OLFM3: variants seen among roughly 807,000 people sequenced by gnomAD.
OLFM3 encodes the protein noelin-3.
In OLFM3, 20 loss-of-function variants were observed where a neutral mutation model predicts 48.6. The observed-to-expected ratio is 0.41, with a 90% CI of 0.29 to 0.60. The LOEUF (loss-of-function observed/expected upper bound fraction) is 0.60. OLFM3 is among the 20% of genes least tolerant of loss of function. The probability of loss-of-function intolerance (pLI) is 0.28; values close to 1 mark genes in which losing one functional copy is unlikely to be tolerated. For missense variants in OLFM3, 437 were observed against 544.3 expected, an observed-to-expected ratio of 0.80 and a Z score of 1.96; for synonymous variants, 222 against 198.1, an observed-to-expected ratio of 1.12 and a Z score of -1.01.
intron 3 of OLFM3, among the ~76,000 whole-genome samples, chr1:101,827,744 A>G (rs1346808461): frequency 6.6e-6 from 1 of 152,140 alleles, no homozygotes; most frequent in Non-Finnish European, 1.5e-5. Flanking sequence ...AGAAGGTACA[A>G]GTTTGGAATT....
chr1:101,933,201 C>CAAAAAAAAAAAAA (rs761881274), intron 1 of OLFM3, among the ~76,000 whole-genome samples: 16 of 40,120 alleles, frequency 4.0e-4, no homozygotes, highest in African/African-American at 5.5e-4. Context: ...GACTCCATCT[C>CAAAAAAAAAAAAA]AAAAAAAAAA....
intron 1 of OLFM3, among the ~76,000 whole-genome samples, chr1:101,895,807 TG>T (rs148846828): frequency 0.039 from 5,916 of 152,174 alleles, 246 homozygotes; most frequent in East Asian, 0.22. Context: ...ACACTGCAAA[TG>T]AAAAACTTGC....
chr1:101,947,834 C>T (rs1197726057), intron 1 of OLFM3, among the ~76,000 whole-genome samples: 1 of 152,050 alleles, frequency 6.6e-6, no homozygotes, highest in Non-Finnish European at 1.5e-5. Flanking sequence ...ATAATAGCTG[C>T]TAACTTATAT....
At chr1:101,895,176 A>G (rs1341455749) in intron 1 of OLFM3, among the ~76,000 whole-genome samples, 1 of 151,988 alleles carries the variant, frequency 6.6e-6, no homozygotes, top group Non-Finnish European at 1.5e-5. Flanking sequence ...TCTAACCACA[A>G]TGGGACTTAT....
chr1:101,903,655 A>G (rs1331462983), intron 1 of OLFM3, among the ~76,000 whole-genome samples: 4 of 151,786 alleles, frequency 2.6e-5, no homozygotes, highest in Non-Finnish European at 5.9e-5. Context: ...GCTTGTTTAC[A>G]GATTCTGCTA....
chr1:101,806,293 A>G lies in OLFM3; in HGVS notation c.593-111T>C, dbSNP rs561392531. The G allele has an allele frequency of 2.7e-5, 20 of 743,998 alleles. No individual in the cohort carries two copies. In the African/African-American group the frequency reaches 3.5e-4, roughly 13 times the overall value. 46.1% of individuals were successfully genotyped at this position (743,998 alleles called of 1,614,324 possible). A position where few individuals can be genotyped will look rare whatever the true frequency, so the allele number is the denominator to read the frequency against. On this transcript the variant is annotated intron_variant, in intron 4 of 5. Transcript: ENST00000370103. ...TCATAAAACTAAGCCAATCCATGGA[A>G]TTAATATCACATTTCTGAATAAATG...
chr1:101,975,567 T>C (rs915008438), intron 1 of OLFM3, among the ~76,000 whole-genome samples: 4 of 152,084 alleles, frequency 2.6e-5, no homozygotes, highest in Non-Finnish European at 2.9e-5. Context: ...AAAATATCAA[T>C]GTTTTCTTGA....
In OLFM3 at chr1:101,970,873, GC is replaced by G. The variant is rs766132857; in HGVS notation, c.69+25874del. ...GGATATTCTCATCCTGAGGGATAGC[GC>G]GTACATAATAGATTGCGGCATGACA... On this transcript the variant is annotated intron_variant, in intron 1 of 5. Transcript: ENST00000370103. Among the ~76,000 whole-genome samples the G allele has an allele frequency of 3.3e-5, 5 of 152,266 alleles. No homozygotes were observed. In the South Asian group the frequency reaches 1.0e-3, roughly 32 times the overall value.
chr1:101,987,810 C>T (rs769739175), intron 1 of OLFM3, among the ~76,000 whole-genome samples: 21 of 152,030 alleles, frequency 1.4e-4, no homozygotes, highest in Non-Finnish European at 2.8e-4. Context: ...TATGTCCTCC[C>T]TTTGGGGTTA....
chr1:101,817,366 T>C (rs1325690885), intron 4 of OLFM3, among the ~76,000 whole-genome samples: 1 of 152,164 alleles, frequency 6.6e-6, no homozygotes, highest in Non-Finnish European at 1.5e-5. Context: ...ATATTGTATG[T>C]GCACATTGCA....
chr1:101,970,035 A>G, intron 1 of OLFM3, among the ~76,000 whole-genome samples: 1 of 142,938 alleles, frequency 7.0e-6, no homozygotes. Flanking sequence ...TTTTTTTTTG[A>G]GATGGAATCT....
intron 4 of OLFM3, chr1:101,813,042 G>A: frequency 8.0e-7 from 1 of 1,245,996 alleles, no homozygotes; most frequent in Non-Finnish European, 1.0e-6. Flanking sequence ...GAATACAAAG[G>A]TGAACAGGGA....
intron 1 of OLFM3, among the ~76,000 whole-genome samples, chr1:101,952,934 G>A (rs1484113952): frequency 6.6e-6 from 1 of 151,988 alleles, no homozygotes; most frequent in African/African-American, 2.4e-5. Context: ...AGTCTTCAGT[G>A]GCTATTCAGC....
chr1:101,883,823 C>T (rs1657632235), intron 1 of OLFM3, among the ~76,000 whole-genome samples: 1 of 151,880 alleles, frequency 6.6e-6, no homozygotes, highest in Admixed American at 6.6e-5. Flanking sequence ...CAAACAGCTT[C>T]AGAGTTAAAT....
intron 1 of OLFM3, among the ~76,000 whole-genome samples, chr1:101,839,079 T>C (rs1655580525): frequency 1.3e-5 from 2 of 152,222 alleles, no homozygotes; most frequent in Non-Finnish European, 2.9e-5. Flanking sequence ...TGATACCAAG[T>C]CATCATCCTT....
intron 2 of OLFM3, among the ~76,000 whole-genome samples, chr1:101,834,667 C>T (rs4908192): frequency 0.38 from 57,053 of 152,048 alleles, 11,644 homozygotes; most frequent in East Asian, 0.53. Context: ...TCTAAAACTA[C>T]CATATGGTAA....
chr1:101,811,340 G>A (rs1043674653), intron 4 of OLFM3, among the ~76,000 whole-genome samples: 1 of 151,976 alleles, frequency 6.6e-6, no homozygotes, highest in Admixed American at 6.6e-5. Context: ...ATGACAAATG[G>A]GATCTAATTA....
At chr1:101,873,113 A>G (rs1180105996) in intron 1 of OLFM3, among the ~76,000 whole-genome samples, 1 of 151,948 alleles carries the variant, frequency 6.6e-6, no homozygotes, top group African/African-American at 2.4e-5. Context: ...AAATATAGCT[A>G]CCTTAATATG....
chr1:101,824,674 AACAACAAC>A lies in OLFM3; in HGVS notation c.592+344_592+351del, dbSNP rs761706249. Among the ~76,000 whole-genome samples, 326 of 151,770 alleles carry A rather than the reference AACAACAAC, an allele frequency of 2.1e-3. 1 individual carries two copies. Among genetic ancestry groups the A allele is most frequent in the Non-Finnish European group, 2.7e-3 (181 of 67,698 alleles). ...CAACAACAACAACAACAACAACAAC[AACAACAAC>A]AAAAAACAGTTTCTTTTTCCACTAG... On this transcript the variant is annotated intron_variant, in intron 4 of 5. Transcript: ENST00000370103.
Sources: allele counts gnomAD v4.1 joint callset (sites outside exome capture counted in the v4.1 genomes callset), GRCh38; gene constraint gnomAD v4.1.1; transcripts MANE v1.5; gene names NCBI Gene and HGNC (gene_info 2026-07-23, HGNC 2026-07-21).